Variants in CEP97 observed in about 807,000 individuals in gnomAD.
The protein encoded by CEP97 is centrosomal protein of 97 kDa.
A neutral mutation model predicts 73.1 loss-of-function variants in CEP97; 43 were observed. That is an observed-to-expected ratio of 0.59 (90% CI 0.46 to 0.76). The LOEUF is 0.76. CEP97 is among the 30% of genes least tolerant of loss of function. The probability of loss-of-function intolerance (pLI) is 0.00; values close to 1 mark genes in which losing one functional copy is unlikely to be tolerated. For synonymous variants in CEP97, 337 were observed against 370.0 expected (o/e 0.91, Z 1.02); for missense variants, 939 against 1,014.0 (o/e 0.93, Z 1.00).
rs1939295851 is a variant in CEP97, at chr3:101,765,520, T to G, written c.2567T>G (p.Phe856Cys). 3 of 1,613,124 alleles carry G rather than the reference T, an allele frequency of 1.9e-6. No individual in the cohort carries two copies. Among genetic ancestry groups the G allele is most frequent in the East Asian group, 4.5e-5 (2 of 44,840 alleles). Residue 856 changes from phenylalanine (F) to cysteine (C), a missense_variant, in exon 11 of 11, where the codon TTT (phenylalanine) becomes TGT (cysteine). Coordinates refer to ENST00000341893, the MANE Select transcript of CEP97 (RefSeq NM_024548.4). Reference protein sequence around the residue: ...QGQQPECDSTFQLLHVGVTV With the variant: ...QGQQPECDSTCQLLHVGVTV ...CAGCAGCCAGAATGTGATTCTACAT[T>G]TCAGCTATTGCATGTTGGTGTTACT...
At chr3:101,729,595 T>G (rs1302781745) in intron 4 of CEP97, among the ~76,000 whole-genome samples, 2 of 152,032 alleles carry the variant, frequency 1.3e-5, no homozygotes, top group Non-Finnish European at 2.9e-5. Context: ...TTTATTTTTT[T>G]TTGAGACAGA....
At chr3:101,744,095 A>G (rs1938538912) in intron 6 of CEP97, among the ~76,000 whole-genome samples, 2 of 152,114 alleles carry the variant, frequency 1.3e-5, no homozygotes, top group South Asian at 4.1e-4. Flanking sequence ...TGGTACAACT[A>G]CTTTGAAAAA....
At chr3:101,762,687 C>A in intron 10 of CEP97, 127 bp downstream of exon 10, 2 of 591,258 alleles carry the variant, frequency 3.4e-6, no homozygotes, top group Non-Finnish European at 5.7e-6. Context: ...GGCTTGTGTT[C>A]TTCGCCACTA....
rs993471774 is a variant in CEP97 at position 101,767,800 on chromosome 3, C to T, written c.*2249C>T. On this transcript the variant is annotated 3_prime_UTR_variant, in exon 11 of 11. Transcript: ENST00000341893. ...TTAGAAGTGCAAGAATATTAAATAG[C>T]CCCTTCCTTAACTGTACATATTATC... is the stretch of plus-strand genomic sequence containing the variant. The T allele has an allele frequency of 6.6e-6, 1 of 152,060 alleles. No individual in the cohort carries two copies. Among genetic ancestry groups the T allele is most frequent in the African/African-American group, 2.4e-5 (1 of 41,408 alleles). 9.4% of individuals were successfully genotyped at this position (152,060 alleles called of 1,614,324 possible).
At chr3:101,747,258 CTT>C (rs35085560) in intron 6 of CEP97, among the ~76,000 whole-genome samples, 77 of 129,690 alleles carry the variant, frequency 5.9e-4, no homozygotes, top group Middle Eastern at 3.8e-3. Flanking sequence ...TTCAGAACTC[CTT>C]TTTTTTTTTT....
intron 6 of CEP97, 106 bp from the exon 7 acceptor site, chr3:101,755,324 A>G (rs937349672): frequency 3.2e-6 from 3 of 925,130 alleles, no homozygotes; most frequent in African/African-American, 3.3e-5. Context: ...TGAAAAACAT[A>G]CAATGGTGCT....
At chr3:101,756,893 A>G (rs1156959973) in intron 7 of CEP97, among the ~76,000 whole-genome samples, 170 bp from the exon 8 acceptor site, 3 of 152,220 alleles carry the variant, frequency 2.0e-5, no homozygotes, top group Non-Finnish European at 4.4e-5. Context: ...AAGCTTCTTA[A>G]CTTTCTTTAT....
intron 6 of CEP97, among the ~76,000 whole-genome samples, chr3:101,747,421 G>T (rs1361570475): frequency 6.6e-6 from 1 of 151,314 alleles, no homozygotes; most frequent in Non-Finnish European, 1.5e-5. Context: ...CACCACGCCC[G>T]GCTAATTTTT....
intron 6 of CEP97, among the ~76,000 whole-genome samples, chr3:101,753,179 G>C (rs551761571): frequency 5.4e-4 from 82 of 152,310 alleles, no homozygotes; most frequent in African/African-American, 1.8e-3. Flanking sequence ...TGTTTGCCTG[G>C]GTAACAGCAG....
chr3:101,754,651 A>G lies in CEP97; in HGVS notation c.729-779A>G, dbSNP rs72935885. Among the ~76,000 whole-genome samples the G allele has an allele frequency of 2.5e-3, 388 of 152,286 alleles. 1 individual carries two copies. Among genetic ancestry groups the G allele is most frequent in the African/African-American group, 8.9e-3 (368 of 41,570 alleles). On this transcript the variant is annotated intron_variant, in intron 6 of 10. Coordinates refer to ENST00000341893, the MANE Select transcript of CEP97 (RefSeq NM_024548.4). ...GGCTTAACTTGGCTAGATGTCCAAG[A>G]TGACTCTCTTGAATCTCTCAATCTA...
intron 6 of CEP97, among the ~76,000 whole-genome samples, chr3:101,750,812 T>C (rs1425636876): frequency 3.3e-5 from 5 of 152,194 alleles, no homozygotes; most frequent in Non-Finnish European, 7.4e-5. Context: ...TTTTCTTCTT[T>C]ATTAGTCTTG....
Position 101,731,959 on chromosome 3 carries a change from A to T in CEP97, c.561+6A>T. The T allele has an allele frequency of 6.8e-7, 1 of 1,471,810 alleles. No individual in the cohort carries two copies. The highest frequency in any genetic ancestry group is 9.5e-7 in the Non-Finnish European group (1 of 1,051,180). 91.2% of individuals were successfully genotyped at this position (1,471,810 alleles called of 1,614,324 possible). A position where few individuals can be genotyped will look rare whatever the true frequency, so the allele number is the denominator to read the frequency against. ...AAATCCGAGACTTAAATGAGGTAAA[A>T]TTTGAGGGTATTTTGTGAGATTCAG... On this transcript the variant is annotated splice_donor_region_variant and intron_variant, in intron 5 of 10. Transcript: ENST00000341893.
chr3:101,727,554 T>C lies in CEP97; in HGVS notation c.345+13T>C, dbSNP rs776432630. The C allele has an allele frequency of 1.3e-6, 2 of 1,585,270 alleles. No homozygotes were observed. The highest frequency in any genetic ancestry group is 1.7e-6 in the Non-Finnish European group (2 of 1,167,414). ...AAATAATCTTAAGGTGAATGGTTTC[T>C]TTTTTGTTTACAAAACTATTCTGCG... On this transcript the variant is annotated intron_variant, in intron 3 of 10. Transcript: ENST00000341893.
chr3:101,731,487 C>G (rs1057465348), intron 4 of CEP97, among the ~76,000 whole-genome samples: 3 of 152,072 alleles, frequency 2.0e-5, no homozygotes, highest in African/African-American at 7.2e-5. Context: ...AGGCATGAGC[C>G]ACCACACATG....
At chr3:101,751,133 A>G (rs1376549464) in intron 6 of CEP97, among the ~76,000 whole-genome samples, 1 of 152,182 alleles carries the variant, frequency 6.6e-6, no homozygotes, top group Non-Finnish European at 1.5e-5. Context: ...TGTTGGTTTC[A>G]AAGAACATCT....
chr3:101,758,866 C>T (rs1458483113), intron 9 of CEP97: 1 of 158,996 alleles, frequency 6.3e-6, no homozygotes, highest in African/African-American at 2.4e-5. Context: ...TCCTTAATCC[C>T]ATGGCTCGTA....
intron 6 of CEP97, among the ~76,000 whole-genome samples, chr3:101,742,647 C>T (rs1215634467): frequency 6.6e-6 from 1 of 151,502 alleles, no homozygotes; most frequent in African/African-American, 2.4e-5. Context: ...TGACGAGTTG[C>T]TGGGTGCAGC....
intron 6 of CEP97, among the ~76,000 whole-genome samples, chr3:101,744,332 C>T (rs1938549345): frequency 6.6e-6 from 1 of 151,970 alleles, no homozygotes; most frequent in Admixed American, 6.6e-5. Flanking sequence ...GCCTGTAATC[C>T]TAGCACTTTG....
chr3:101,726,285 ATTAC>A (rs1190488746), intron 1 of CEP97, among the ~76,000 whole-genome samples: 1 of 152,204 alleles, frequency 6.6e-6, no homozygotes, highest in East Asian at 1.9e-4. Flanking sequence ...CAATAGTATC[ATTAC>A]TTAGGCACAA....
Sources: gnomAD v4.1 joint callset for allele counts (sites outside exome capture counted in the v4.1 genomes callset) on GRCh38, gnomAD v4.1.1 for gene constraint, MANE v1.5 for transcripts, NCBI Gene and HGNC (gene_info 2026-07-23, HGNC 2026-07-21) for gene names.